The following PRKCA variants were observed in gnomAD, a reference collection of about 807,000 sequenced individuals.
PRKCA encodes protein kinase C alpha type.
A neutral mutation model predicts 87.0 loss-of-function variants in PRKCA; 27 were observed. The ratio of observed to expected loss-of-function variants is 0.31; its 90% CI spans 0.23 to 0.43. The LOEUF is 0.43. Among genes scored for constraint, PRKCA ranks in the 20% least tolerant of loss-of-function variants. The pLI is 1.00. For synonymous variants in PRKCA, 329 were observed against 311.1 expected (o/e 1.06, Z -0.61); for missense variants, 518 against 852.3 (o/e 0.61, Z 4.88).
intron 3 of PRKCA, among the ~76,000 whole-genome samples, chr17:66,537,527 G>T (rs1967829275): frequency 6.6e-6 from 1 of 152,176 alleles, no homozygotes; most frequent in African/African-American, 2.4e-5. Context: ...GGAAGATTTT[G>T]TATAGACAGC....
intron 3 of PRKCA, among the ~76,000 whole-genome samples, chr17:66,536,075 G>A (rs1389870918): frequency 6.6e-6 from 1 of 152,024 alleles, no homozygotes; most frequent in East Asian, 1.9e-4. Context: ...CCTGGTTTTG[G>A]ACTAATTGCT....
At chr17:66,590,041 C>T (rs962965205) in intron 3 of PRKCA, among the ~76,000 whole-genome samples, 1 of 152,144 alleles carries the variant, frequency 6.6e-6, no homozygotes, top group Non-Finnish European at 1.5e-5. Flanking sequence ...CCGCTCACCT[C>T]CTGCTGTGCA....
chr17:66,709,526 C>T (rs1973272871), intron 8 of PRKCA, among the ~76,000 whole-genome samples: 2 of 151,844 alleles, frequency 1.3e-5, no homozygotes, highest in African/African-American at 4.8e-5. Flanking sequence ...CCAGGCTGGT[C>T]TTGAATTCCT....
At chr17:66,462,361 T>A (rs1048022870) in intron 2 of PRKCA, among the ~76,000 whole-genome samples, 20 of 152,204 alleles carry the variant, frequency 1.3e-4, no homozygotes, top group African/African-American at 4.3e-4. Flanking sequence ...CATGAAAAGT[T>A]GATGGTTGTG....
At chr17:66,343,777 A>T (rs1036539000) in intron 2 of PRKCA, among the ~76,000 whole-genome samples, 6 of 152,174 alleles carry the variant, frequency 3.9e-5, no homozygotes, top group Admixed American at 6.5e-5. Flanking sequence ...AATAGGATGG[A>T]TGGCAATCCA....
At chr17:66,365,302 C>T (rs977678131) in intron 2 of PRKCA, among the ~76,000 whole-genome samples, 3 of 152,018 alleles carry the variant, frequency 2.0e-5, no homozygotes, top group African/African-American at 7.3e-5. Context: ...ATGTATTCTA[C>T]GGGAGGGAGG....
At chr17:66,406,400 G>C (rs1453849386) in intron 2 of PRKCA, among the ~76,000 whole-genome samples, 1 of 152,040 alleles carries the variant, frequency 6.6e-6, no homozygotes, top group Non-Finnish European at 1.5e-5. Context: ...AACATTCCAT[G>C]AACAAAAGGC....
intron 9 of PRKCA, among the ~76,000 whole-genome samples, chr17:66,734,503 T>A (rs1228248834): frequency 2.0e-5 from 3 of 152,180 alleles, no homozygotes; most frequent in Non-Finnish European, 4.4e-5. Flanking sequence ...CACATGCTAA[T>A]AATGCATATA....
intron 2 of PRKCA, among the ~76,000 whole-genome samples, chr17:66,476,953 G>T (rs945801022): frequency 6.6e-6 from 1 of 152,160 alleles, no homozygotes; most frequent in Non-Finnish European, 1.5e-5. Flanking sequence ...TAACAATCCT[G>T]CAAGGCTGGT....
At chr17:66,614,385 C>T (rs191911345) in intron 3 of PRKCA, among the ~76,000 whole-genome samples, 11 of 152,288 alleles carry the variant, frequency 7.2e-5, no homozygotes, top group Admixed American at 5.9e-4. Flanking sequence ...ATCTACCACA[C>T]GTGAGGCAGT....
At chr17:66,677,566 G>T (rs561937103) in intron 5 of PRKCA, among the ~76,000 whole-genome samples, 2 of 152,174 alleles carry the variant, frequency 1.3e-5, no homozygotes, top group Non-Finnish European at 2.9e-5. Flanking sequence ...CACACTAATA[G>T]GTGAACCTGA....
chr17:66,577,612 C>T (rs1053651587), intron 3 of PRKCA, among the ~76,000 whole-genome samples: 1 of 152,160 alleles, frequency 6.6e-6, no homozygotes, highest in African/African-American at 2.4e-5. Context: ...GCTCTGGTTA[C>T]GTCTTGGAGA....
At chr17:66,723,860 A>G (rs1973676870) in intron 8 of PRKCA, among the ~76,000 whole-genome samples, 2 of 152,142 alleles carry the variant, frequency 1.3e-5, no homozygotes, top group South Asian at 4.1e-4. Context: ...AAAAATGGGT[A>G]AGATTAAGAT....
intron 2 of PRKCA, among the ~76,000 whole-genome samples, chr17:66,412,976 G>A (rs780281088): frequency 1.3e-5 from 2 of 151,994 alleles, no homozygotes; most frequent in East Asian, 1.9e-4. Context: ...TGGAGATTCT[G>A]CACCCCCCAC....
In PRKCA at chr17:66,689,943, C is replaced by T. The variant is rs1288541304; in HGVS notation, c.918+896C>T. 6.6e-6 allele frequency among the ~76,000 whole-genome samples: 1 copy of T among 152,274 alleles called. No individual in the cohort carries two copies. The highest frequency in any genetic ancestry group is 2.4e-5 in the African/African-American group (1 of 41,558). ...CGCTCTAGAGCAGTACACGTGCACA[C>T]GCACACATGTGTGTAGATGCTGAAC... is the stretch of plus-strand genomic sequence containing the variant. On this transcript the variant is annotated intron_variant, in intron 8 of 16. Transcript: ENST00000413366. The surrounding 1 kb of genome is among the most constrained non-coding windows in gnomAD (Gnocchi z 4.1).
chr17:66,435,260 A>G (rs947025537), intron 2 of PRKCA, among the ~76,000 whole-genome samples: 3 of 152,124 alleles, frequency 2.0e-5, no homozygotes, highest in Admixed American at 6.5e-5. Flanking sequence ...ATTCTCCCCC[A>G]CTTAAGTTGC....
At chr17:66,509,225 A>G (rs185600104) in intron 3 of PRKCA, among the ~76,000 whole-genome samples, 1 of 151,584 alleles carries the variant, frequency 6.6e-6, no homozygotes, top group Admixed American at 6.6e-5. Flanking sequence ...GATTTAATAT[A>G]AGATGTTGAC....
chr17:66,798,286 C>T (rs547927673), intron 16 of PRKCA, among the ~76,000 whole-genome samples: 123 of 152,052 alleles, frequency 8.1e-4, no homozygotes, highest in African/African-American at 2.5e-3. Flanking sequence ...GAATCTCTTC[C>T]ACATTAGGAA....
chr17:66,756,111 G>T (rs1974541982), intron 13 of PRKCA, among the ~76,000 whole-genome samples: 1 of 152,200 alleles, frequency 6.6e-6, no homozygotes, highest in Non-Finnish European at 1.5e-5. Flanking sequence ...AGGAAGCGCT[G>T]CCGGGTCCTC....
Sources: allele counts gnomAD v4.1 joint callset (sites outside exome capture counted in the v4.1 genomes callset), GRCh38; gene constraint gnomAD v4.1.1; non-coding constraint Gnocchi (gnomAD v3.1); transcripts MANE v1.5; gene names NCBI Gene and HGNC (gene_info 2026-07-23, HGNC 2026-07-21).